The following NEGR1 variants were observed in gnomAD, a reference collection of about 807,000 sequenced individuals.
NEGR1 encodes the protein neuronal growth regulator 1.
Under a neutral mutation model 40.9 loss-of-function variants are expected in NEGR1, and 10 were observed. The observed-to-expected ratio is 0.24, with a 90% CI of 0.15 to 0.42. NEGR1 has a LOEUF of 0.42. Ranked by LOEUF, NEGR1 falls within the 10% of genes least tolerant of loss-of-function variation. The probability of loss-of-function intolerance (pLI) is 1.00; values close to 1 mark genes in which losing one functional copy is unlikely to be tolerated. For synonymous variants in NEGR1, 185 were observed against 166.8 expected, an observed-to-expected ratio of 1.11 and a Z score of -0.84; for missense variants, 352 against 438.9, an observed-to-expected ratio of 0.80 and a Z score of 1.77.
At chr1:71,733,461 T>G (rs1654950854) in intron 3 of NEGR1, among the ~76,000 whole-genome samples, 2 of 152,196 alleles carry the variant, frequency 1.3e-5, no homozygotes, top group Non-Finnish European at 2.9e-5. Context: ...TTTACTCTGT[T>G]CCAAATATTC....
At chr1:71,492,035 T>C (rs182848482) in intron 6 of NEGR1, among the ~76,000 whole-genome samples, 2 of 152,214 alleles carry the variant, frequency 1.3e-5, no homozygotes, top group East Asian at 3.9e-4. Flanking sequence ...CCTTCTAAGG[T>C]ACAAGGACAC....
intron 2 of NEGR1, among the ~76,000 whole-genome samples, chr1:71,927,795 G>GCAA (rs1214583817): frequency 8.6e-6 from 1 of 115,750 alleles, no homozygotes; most frequent in Non-Finnish European, 1.7e-5. Flanking sequence ...ACCAGCATGG[G>GCAA]CAACATGGCA....
chr1:71,925,347 G>A (rs1297491186), intron 2 of NEGR1, among the ~76,000 whole-genome samples: 2 of 152,178 alleles, frequency 1.3e-5, no homozygotes, highest in Admixed American at 6.5e-5. Context: ...CTTAGTGCAG[G>A]TGCATGGTCC....
chr1:72,253,459 C>G (rs1307402471), intron 1 of NEGR1, among the ~76,000 whole-genome samples: 2 of 151,924 alleles, frequency 1.3e-5, no homozygotes, highest in Non-Finnish European at 2.9e-5. Flanking sequence ...TAAATCAACA[C>G]TCATCATTGC....
chr1:71,581,282 G>C (rs78201668), intron 6 of NEGR1, among the ~76,000 whole-genome samples: 2,012 of 152,200 alleles, frequency 0.013, 58 homozygotes, highest in African/African-American at 0.046. Flanking sequence ...TTATTGCTTA[G>C]TTCATTGTCG....
intron 1 of NEGR1, among the ~76,000 whole-genome samples, chr1:72,091,744 C>T (rs1308874790): frequency 6.6e-6 from 1 of 152,020 alleles, no homozygotes; most frequent in African/African-American, 2.4e-5. Context: ...CCACAAAATA[C>T]CCTAGACTAT....
At chr1:72,037,846 A>G (rs1457513293) in intron 1 of NEGR1, among the ~76,000 whole-genome samples, 1 of 152,048 alleles carries the variant, frequency 6.6e-6, no homozygotes, top group Non-Finnish European at 1.5e-5. Flanking sequence ...ACTATTAGCC[A>G]GGTCGCTTAT....
intron 6 of NEGR1, among the ~76,000 whole-genome samples, chr1:71,450,823 A>C (rs1182964692): frequency 6.6e-6 from 1 of 152,144 alleles, no homozygotes; most frequent in Non-Finnish European, 1.5e-5. Context: ...AAAAAAAGAA[A>C]AAAAAAAGGA....
In NEGR1 at chr1:71,485,766, A is replaced by T. The variant is rs185121095; in HGVS notation, c.941-78196T>A. Among the ~76,000 whole-genome samples, 18 of 151,792 alleles carry T rather than the reference A, an allele frequency of 1.2e-4. No individual in the cohort carries two copies. In the East Asian group the frequency reaches 3.5e-3, roughly 29 times the overall value. ...CCTGTATGTCTTTCCATGGCTTTAT[A>T]GCATATTTCTTTTTAGTGCTGAATA... On this transcript the variant is annotated intron_variant, in intron 6 of 6. Coordinates refer to ENST00000357731, the MANE Select transcript of NEGR1 (RefSeq NM_173808.3).
intron 6 of NEGR1, among the ~76,000 whole-genome samples, chr1:71,454,664 G>A (rs1250665377): frequency 2.0e-5 from 3 of 152,094 alleles, no homozygotes; most frequent in African/African-American, 7.2e-5. Context: ...ATAACATTTT[G>A]GACCAGAAGG....
chr1:71,842,308 A>G (rs1012674043), intron 2 of NEGR1, among the ~76,000 whole-genome samples: 1 of 152,122 alleles, frequency 6.6e-6, no homozygotes, highest in African/African-American at 2.4e-5. Flanking sequence ...GGGGAAATCC[A>G]CTACCTATCC....
intron 1 of NEGR1, among the ~76,000 whole-genome samples, chr1:72,063,985 T>G (rs1019034438): frequency 6.6e-5 from 10 of 151,998 alleles, no homozygotes; most frequent in African/African-American, 2.4e-4. Context: ...CAGTTTCAAT[T>G]TCAGTTTAAG....
intron 4 of NEGR1, among the ~76,000 whole-genome samples, chr1:71,659,314 A>G (rs1356158794): frequency 6.6e-6 from 1 of 152,184 alleles, no homozygotes; most frequent in African/African-American, 2.4e-5. Context: ...AATTGTGAGT[A>G]CTGATGTTGA....
chr1:72,240,762 C>T (rs1207822556), intron 1 of NEGR1, among the ~76,000 whole-genome samples: 1 of 151,790 alleles, frequency 6.6e-6, no homozygotes, highest in Non-Finnish European at 1.5e-5. Context: ...TAGAAAAACT[C>T]CTGGGATGGC....
intron 1 of NEGR1, among the ~76,000 whole-genome samples, chr1:72,229,080 G>GA (rs1320444940): frequency 6.6e-6 from 1 of 152,018 alleles, no homozygotes. Flanking sequence ...CAAATTGGAT[G>GA]AAAAAATGTT....
At chr1:71,793,543 A>C (rs1295243511) in intron 2 of NEGR1, among the ~76,000 whole-genome samples, 2 of 151,910 alleles carry the variant, frequency 1.3e-5, no homozygotes, top group Non-Finnish European at 2.9e-5. Flanking sequence ...AATTTAACAA[A>C]AATAAAATGA....
At chr1:71,527,736 C>CTT (rs35521162) in intron 6 of NEGR1, among the ~76,000 whole-genome samples, 2 of 146,446 alleles carry the variant, frequency 1.4e-5, no homozygotes, top group South Asian at 2.2e-4. Flanking sequence ...GACAATTGGA[C>CTT]TTTTTTTTTT....
In NEGR1 at chr1:71,406,584, T is replaced by C. The variant is rs1190043005; in HGVS notation, c.*862A>G. Reference sequence around the variant, plus strand: ...CATTTAGCTACAACTAAAGAAATCATATGGTATATTTACTATACTGTTATT... The same window carrying C: ...CATTTAGCTACAACTAAAGAAATCACATGGTATATTTACTATACTGTTATT... On this transcript the variant is annotated 3_prime_UTR_variant, in exon 7 of 7. Transcript: ENST00000357731. 1 of 152,262 alleles carries C rather than the reference T, an allele frequency of 6.6e-6. No individual in the cohort carries two copies. The highest frequency in any genetic ancestry group is 1.5e-5 in the Non-Finnish European group (1 of 67,932). The allele number at this position is 152,262 out of a possible 1,614,324, so 9.4% of individuals were successfully genotyped here.
At chr1:71,992,140 T>C (rs1200218279) in intron 1 of NEGR1, among the ~76,000 whole-genome samples, 1 of 152,056 alleles carries the variant, frequency 6.6e-6, no homozygotes, top group Non-Finnish European at 1.5e-5. Context: ...ACTACCAATA[T>C]AGATGATTTA....
Sources: gnomAD v4.1 joint callset for allele counts (sites outside exome capture counted in the v4.1 genomes callset) on GRCh38, gnomAD v4.1.1 for gene constraint, MANE v1.5 for transcripts, NCBI Gene and HGNC (gene_info 2026-07-23, HGNC 2026-07-21) for gene names.